GPC5: variants seen among roughly 807,000 people sequenced by gnomAD.
GPC5 encodes glypican-5.
A neutral mutation model predicts 53.9 loss-of-function variants in GPC5; 47 were observed. The ratio of observed to expected loss-of-function variants is 0.87; its 90% CI spans 0.69 to 1.11. GPC5 has a LOEUF of 1.11. Among genes scored for constraint, GPC5 ranks in the 50% most tolerant of loss-of-function variants. The pLI, the probability that GPC5 is intolerant of heterozygous loss-of-function variation, is 0.00. For synonymous variants in GPC5, 286 were observed against 263.3 expected, an observed-to-expected ratio of 1.09 and a Z score of -0.84; for missense variants, 748 against 713.1, an observed-to-expected ratio of 1.05 and a Z score of -0.56.
At chr13:92,292,117 G>A (rs2043001005) in intron 7 of GPC5, among the ~76,000 whole-genome samples, 2 of 152,188 alleles carry the variant, frequency 1.3e-5, no homozygotes, top group South Asian at 4.1e-4. Context: ...CCACATTTTT[G>A]CAATTGCAAA....
chr13:92,517,901 C>A (rs902362045), intron 7 of GPC5, among the ~76,000 whole-genome samples: 1 of 152,114 alleles, frequency 6.6e-6, no homozygotes, highest in African/African-American at 2.4e-5. Flanking sequence ...GAAGTTCAAA[C>A]CCAATGCAAA....
intron 6 of GPC5, among the ~76,000 whole-genome samples, chr13:92,123,075 A>G (rs2041664269): frequency 6.6e-6 from 1 of 152,078 alleles, no homozygotes; most frequent in Non-Finnish European, 1.5e-5. Context: ...TTTATAAATA[A>G]CTGATGGCCA....
rs372524305 is a variant in GPC5 at position 92,609,260 on chromosome 13, G to C, written c.1562-257022G>C. The stretch of plus-strand genomic sequence containing the variant: ...AGTAGGTATTTAATAAGTGTATCAG[G>C]ATGAGGGAATAAAGGAAAAAAGAAG... On this transcript the variant is annotated intron_variant, in intron 7 of 7. Transcript: ENST00000377067. Among the ~76,000 whole-genome samples the C allele has an allele frequency of 6.6e-4, 101 of 152,222 alleles. No individual in the cohort carries two copies. In the South Asian group the frequency reaches 0.02, roughly 31 times the overall value.
intron 7 of GPC5, among the ~76,000 whole-genome samples, chr13:92,265,772 T>A (rs1403866000): frequency 1.3e-5 from 2 of 152,132 alleles, no homozygotes; most frequent in Non-Finnish European, 2.9e-5. Flanking sequence ...CAGTACCAAT[T>A]TGTCTTAGTC....
chr13:91,833,613 T>C (rs2038688488), intron 5 of GPC5, among the ~76,000 whole-genome samples: 1 of 152,016 alleles, frequency 6.6e-6, no homozygotes, highest in Admixed American at 6.6e-5. Context: ...ATGTAATCCA[T>C]CACATAAACA....
chr13:91,461,008 T>G (rs1881895863), intron 2 of GPC5, among the ~76,000 whole-genome samples: 2 of 152,162 alleles, frequency 1.3e-5, no homozygotes, highest in African/African-American at 4.8e-5. Context: ...GTGGTATAGA[T>G]GCTATAGCTT....
chr13:91,948,975 G>T (rs2040001503), intron 6 of GPC5, among the ~76,000 whole-genome samples: 1 of 152,146 alleles, frequency 6.6e-6, no homozygotes, highest in South Asian at 2.1e-4. Context: ...CTGAGAGGGA[G>T]ATATTAAGAA....
chr13:92,160,683 A>C (rs372798673), intron 7 of GPC5, among the ~76,000 whole-genome samples: 1 of 152,292 alleles, frequency 6.6e-6, no homozygotes, highest in Middle Eastern at 3.4e-3. Context: ...ATATAAAACT[A>C]TCTCTCTGAA....
intron 2 of GPC5, among the ~76,000 whole-genome samples, chr13:91,634,880 C>A (rs2034248302): frequency 6.6e-6 from 1 of 152,078 alleles, no homozygotes; most frequent in Non-Finnish European, 1.5e-5. Context: ...ATTCTTGCCA[C>A]TGTTCCATTC....
intron 7 of GPC5, among the ~76,000 whole-genome samples, chr13:92,508,867 C>T (rs963434335): frequency 4.6e-5 from 7 of 152,110 alleles, no homozygotes; most frequent in African/African-American, 9.7e-5. Context: ...AATCAGAAGA[C>T]GGTTTTGAAA....
At chr13:92,801,655 T>A (rs1051280575) in intron 7 of GPC5, among the ~76,000 whole-genome samples, 1 of 151,676 alleles carries the variant, frequency 6.6e-6, no homozygotes, top group Admixed American at 6.6e-5. Flanking sequence ...GACCTTCCAG[T>A]GGGACAGGAT....
chr13:92,540,897 T>A (rs1881910728), intron 7 of GPC5, among the ~76,000 whole-genome samples: 1 of 151,888 alleles, frequency 6.6e-6, no homozygotes, highest in African/African-American at 2.4e-5. Flanking sequence ...ACCAGCAGTG[T>A]TACCTCATTG....
intron 3 of GPC5, among the ~76,000 whole-genome samples, chr13:91,695,037 G>A (rs1038005139): frequency 1.3e-5 from 2 of 152,132 alleles, no homozygotes; most frequent in African/African-American, 2.4e-5. Flanking sequence ...CAGGTCCTGC[G>A]TGAGCCTTTA....
intron 7 of GPC5, among the ~76,000 whole-genome samples, chr13:92,295,862 G>C (rs1036154412): frequency 6.6e-6 from 1 of 152,064 alleles, no homozygotes; most frequent in African/African-American, 2.4e-5. Context: ...TATGCGTTAG[G>C]TAAGTCTCTT....
At chr13:92,825,883 T>C (rs1006804856) in intron 7 of GPC5, among the ~76,000 whole-genome samples, 2 of 152,188 alleles carry the variant, frequency 1.3e-5, no homozygotes, top group African/African-American at 4.8e-5. Flanking sequence ...TACTTATTCA[T>C]GATGCTACAA....
At chr13:92,361,164 A>C (rs1309687370) in intron 7 of GPC5, among the ~76,000 whole-genome samples, 1 of 151,784 alleles carries the variant, frequency 6.6e-6, no homozygotes, top group Non-Finnish European at 1.5e-5. Flanking sequence ...ATTTTTAAAA[A>C]TAATGGTTGC....
Position 92,074,961 on chromosome 13 carries a change from T to C in GPC5, c.1402-69869T>C, listed in dbSNP as rs190082501. On this transcript the variant is annotated intron_variant, in intron 6 of 7. Coordinates refer to ENST00000377067, the MANE Select transcript of GPC5 (RefSeq NM_004466.6). ...AGGATTAAATTTCCTGTTTATTTTT[T>C]ATTTTTGCTTTGTATTGTATTGTAC... Among the ~76,000 whole-genome samples the C allele has an allele frequency of 5.3e-3, 804 of 151,636 alleles. 12 individuals are homozygous for C. Among genetic ancestry groups the C allele is most frequent in the African/African-American group, 0.019 (767 of 40,896 alleles).
intron 7 of GPC5, among the ~76,000 whole-genome samples, chr13:92,236,617 C>A (rs1214805240): frequency 6.6e-6 from 1 of 151,852 alleles, no homozygotes; most frequent in Admixed American, 6.6e-5. Flanking sequence ...TTCATGGATG[C>A]TTAATTTTAA....
chr13:91,447,385 A>C (rs1307122217), intron 1 of GPC5, among the ~76,000 whole-genome samples: 5 of 151,306 alleles, frequency 3.3e-5, no homozygotes, highest in Non-Finnish European at 7.4e-5. Context: ...CTCTTACGTA[A>C]CTTTAGGTAA....
Sources: gnomAD v4.1 joint callset for allele counts (sites outside exome capture counted in the v4.1 genomes callset) on GRCh38, gnomAD v4.1.1 for gene constraint, MANE v1.5 for transcripts, NCBI Gene and HGNC (gene_info 2026-07-23, HGNC 2026-07-21) for gene names.